EVI5L: variants seen among roughly 807,000 people sequenced by gnomAD.
The protein encoded by EVI5L is EVI5-like protein.
Under a neutral mutation model 106.1 loss-of-function variants are expected in EVI5L, and 30 were observed. The observed-to-expected ratio is 0.28, with a 90% confidence interval of 0.21 to 0.38. The LOEUF (loss-of-function observed/expected upper bound fraction) is 0.38, where lower values mean the gene tolerates loss of function less well. EVI5L is among the 10% of genes least tolerant of loss of function. EVI5L has a pLI of 1.00. For missense variants in EVI5L, 809 were observed against 1,098.0 expected, an observed-to-expected ratio of 0.74 and a Z score of 3.72; for synonymous variants, 489 against 483.3, an observed-to-expected ratio of 1.01 and a Z score of -0.15.
In EVI5L at chr19:7,857,894, T is replaced by G; in HGVS notation, c.1234-297T>G. The G allele has an allele frequency of 2.6e-6, 1 of 388,052 alleles. No homozygotes were observed. The highest frequency in any genetic ancestry group is 4.7e-6 in the Non-Finnish European group (1 of 210,596). 24.0% of individuals were successfully genotyped at this position (388,052 alleles called of 1,614,324 possible). Reference sequence around the variant, plus strand: ...CAGGTGGCCTCGCTGTGCCCCTGGATAAGGATCCCAACTGGGGCAGAGACT... The same window carrying G: ...CAGGTGGCCTCGCTGTGCCCCTGGAGAAGGATCCCAACTGGGGCAGAGACT... On this transcript the variant is annotated intron_variant, in intron 12 of 19. Transcript: ENST00000538904. The surrounding 1 kb of genome is among the most constrained non-coding windows in gnomAD (Gnocchi z 4.5).
At chr19:7,830,691 C>T (rs1978290482) in intron 1 of EVI5L, among the ~76,000 whole-genome samples, 2 of 148,210 alleles carry the variant, frequency 1.3e-5, no homozygotes, top group South Asian at 2.2e-4. Context: ...GGACTCCTCT[C>T]CGGGAACCCC....
Position 7,851,714 on chromosome 19 carries a change from C to G in EVI5L, c.931C>G (p.Leu311Val). Reference protein sequence around the residue: ...LEIVFRVGLALLQVNQAELMQ... With the variant: ...LEIVFRVGLAVLQVNQAELMQ... Reference sequence around the variant, plus strand: ...GATCGTGTTCCGAGTGGGCCTCGCCCTGCTGCAGGTGAACCAGGCAGAGCT... The same window carrying G: ...GATCGTGTTCCGAGTGGGCCTCGCCGTGCTGCAGGTGAACCAGGCAGAGCT... Residue 311 changes from leucine to valine, a missense_variant, in exon 8 of 20, where the codon CTG becomes GTG. Transcript: ENST00000538904. 1 of 1,557,356 alleles carries G rather than the reference C, an allele frequency of 6.4e-7. No individual in the cohort carries two copies. The highest frequency in any genetic ancestry group is 8.7e-7 in the Non-Finnish European group (1 of 1,155,666).
intron 6 of EVI5L, among the ~76,000 whole-genome samples, chr19:7,851,023 G>C (rs989208151): frequency 3.2e-5 from 2 of 63,058 alleles, no homozygotes; most frequent in African/African-American, 4.5e-5. Flanking sequence ...TAACAAGGTG[G>C]GGGGGGGGCT....
chr19:7,859,512 G>C (rs930503598), intron 13 of EVI5L, among the ~76,000 whole-genome samples: 32 of 152,368 alleles, frequency 2.1e-4, no homozygotes, highest in African/African-American at 7.5e-4. Flanking sequence ...CTGCTCCTGG[G>C]GAGAAGGAGA....
intron 1 of EVI5L, among the ~76,000 whole-genome samples, chr19:7,831,864 C>A (rs757296807): frequency 6.6e-6 from 1 of 152,370 alleles, no homozygotes; most frequent in East Asian, 1.9e-4. Context: ...CTTTCACCCA[C>A]AACTAGTGTG....
chr19:7,837,679 G>A (rs1320480342), intron 1 of EVI5L, among the ~76,000 whole-genome samples: 1 of 151,980 alleles, frequency 6.6e-6, no homozygotes, highest in Non-Finnish European at 1.5e-5. Context: ...TGACGTTTTT[G>A]TTTGTTTGGT....
At chr19:7,851,831 A>T in intron 8 of EVI5L, 61 bp downstream of exon 8, 1 of 1,423,410 alleles carries the variant, frequency 7.0e-7, no homozygotes, top group African/African-American at 1.4e-5. Flanking sequence ...GAGTCACAGG[A>T]TGCCCTCACA....
chr19:7,855,526 G>A (rs1979478361), intron 10 of EVI5L, among the ~76,000 whole-genome samples: 1 of 152,242 alleles, frequency 6.6e-6, no homozygotes, highest in African/African-American at 2.4e-5. Flanking sequence ...TCATGGGAAT[G>A]TAGTTGTCGA....
intron 1 of EVI5L, among the ~76,000 whole-genome samples, chr19:7,837,469 TATG>T (rs1414739319): frequency 1.3e-5 from 2 of 152,226 alleles, no homozygotes; most frequent in Admixed American, 6.5e-5. Flanking sequence ...CTTCCATTCA[TATG>T]ATACATTTGT....
At chr19:7,860,481 G>T (rs931454357) in intron 13 of EVI5L, 80 bp from the exon 14 acceptor site, 1 of 1,287,278 alleles carries the variant, frequency 7.8e-7, no homozygotes, top group Non-Finnish European at 1.1e-6. Flanking sequence ...CTGGGGAGGC[G>T]GGGAGAAGCC....
In EVI5L at chr19:7,835,711, A is replaced by G. The variant is rs1978328037; in HGVS notation, c.-48+5330A>G. ...GATCAGGCAGGGACCTCTGAATTCAAGCCGCTGTTCTTGTTATCCAAGGGG... is the reference window on the plus strand; with the variant it reads ...GATCAGGCAGGGACCTCTGAATTCAGGCCGCTGTTCTTGTTATCCAAGGGG... On this transcript the variant is annotated intron_variant, in intron 1 of 19. Transcript: ENST00000538904. This position sits in a 1 kb window ranked among gnomAD's most constrained non-coding sequence, Gnocchi z 4.1. Among the ~76,000 whole-genome samples, 1 of 152,168 alleles carries G rather than the reference A, an allele frequency of 6.6e-6. No homozygotes were observed. The highest frequency in any genetic ancestry group is 2.4e-5 in the African/African-American group (1 of 41,426).
At position 7,853,162 on chromosome 19, in the gene EVI5L, A is replaced by G; in HGVS notation, c.1064A>G (p.Tyr355Cys). The G allele has an allele frequency of 6.2e-7, 1 of 1,614,082 alleles. No individual in the cohort carries two copies. The highest frequency in any genetic ancestry group is 8.5e-7 in the Non-Finnish European group (1 of 1,180,038). ...GTCCTCAAAGCCTACCAGGTCAAGT[A>G]CAACCCCAAGAAGATGAAGAGGTCG... ...KLVLKAYQVK[Y>C]NPKKMKRLEK... is the part of the protein sequence containing the mutation. The change falls in exon 9 of 20, where the codon TAC becomes TGC. Residue 355 changes from tyrosine to cysteine, a missense_variant. Transcript: ENST00000538904.
Position 7,863,088 on chromosome 19 carries a change from CG to C in EVI5L, c.2043+27del. ...TCCAGGTGATCGGCGGGGCCGGGGTCGGGGGGCGGGGGCGGGGGCAGGGCCC... is the reference window on the plus strand; with the variant it reads ...TCCAGGTGATCGGCGGGGCCGGGGTCGGGGGCGGGGGCGGGGGCAGGGCCC... On this transcript the variant is annotated intron_variant, in intron 18 of 19. Coordinates refer to ENST00000538904, the MANE Select transcript of EVI5L (RefSeq NM_001159944.3). The surrounding 1 kb of genome is among the most constrained non-coding windows in gnomAD (Gnocchi z 7.7). 4.6e-6 allele frequency: 6 copies of C among 1,304,266 alleles called. No homozygotes were observed. Among genetic ancestry groups the C allele is most frequent in the Admixed American group, 5.9e-5 (2 of 34,160 alleles). 80.8% of individuals were successfully genotyped at this position (1,304,266 alleles called of 1,614,324 possible).
Position 7,848,815 on chromosome 19 carries a change from C to T in EVI5L, c.328-106C>T. ...GGATTGGGGACCATGAGTTCTGTGC[C>T]ATGCTTGAGGCCTGGATGAGCCACG... On this transcript the variant is annotated intron_variant, in intron 3 of 19. Transcript: ENST00000538904. This position sits in a 1 kb window ranked among gnomAD's most constrained non-coding sequence, Gnocchi z 4.8. The T allele has an allele frequency of 9.8e-7, 1 of 1,025,268 alleles. No homozygotes were observed. Among genetic ancestry groups the T allele is most frequent in the Non-Finnish European group, 1.4e-6 (1 of 697,694 alleles). The allele number at this position is 1,025,268 out of a possible 1,614,324, so 63.5% of individuals were successfully genotyped here.
chr19:7,835,218 G>A lies in EVI5L; in HGVS notation c.-48+4837G>A, dbSNP rs1218621732. ...CCCAAGGTTACAAAGATAGAAAGTG[G>A]TAGAGGAGGCCAGGAGCGGTGGCTC... On this transcript the variant is annotated intron_variant, in intron 1 of 19. Transcript: ENST00000538904. The surrounding 1 kb of genome is among the most constrained non-coding windows in gnomAD (Gnocchi z 4.1). 7.7e-6 allele frequency among the ~76,000 whole-genome samples: 1 copy of A among 130,182 alleles called. No homozygotes were observed. Among genetic ancestry groups the A allele is most frequent in the Admixed American group, 7.2e-5 (1 of 13,832 alleles). The allele number at this position is 130,182 out of a possible 152,430, so 85.4% of individuals were successfully genotyped here. A position where few individuals can be genotyped will look rare whatever the true frequency, so the allele number is the denominator to read the frequency against.
intron 17 of EVI5L, 80 bp from the exon 18 acceptor site, chr19:7,862,892 C>A (rs1029176204): frequency 2.0e-6 from 2 of 1,023,354 alleles, no homozygotes; most frequent in Non-Finnish European, 2.8e-6. Flanking sequence ...CCTCCTCATT[C>A]GCCCCTGCCC....
intron 17 of EVI5L, among the ~76,000 whole-genome samples, 154 bp from the exon 18 acceptor site, chr19:7,862,818 C>T (rs1568246364): frequency 1.5e-5 from 2 of 132,812 alleles, no homozygotes; most frequent in South Asian, 5.2e-4. Flanking sequence ...CCGCACCTCC[C>T]TTGCCCGCGG....
rs1204636996 is a variant in EVI5L, at chr19:7,863,324, G to C, written c.2139+44G>C. On this transcript the variant is annotated intron_variant, in intron 19 of 19. Coordinates refer to ENST00000538904, the MANE Select transcript of EVI5L (RefSeq NM_001159944.3). The surrounding 1 kb of genome is among the most constrained non-coding windows in gnomAD (Gnocchi z 7.7). ...GCCGGGGACAGGCCTGGGTGTCGTC[G>C]GCCTGGGACGAGCCGAGCGCAGGTG... is the stretch of plus-strand genomic sequence containing the variant. 1.9e-6 allele frequency: 3 copies of C among 1,547,990 alleles called. No individual in the cohort carries two copies. The highest frequency in any genetic ancestry group is 1.2e-5 in the South Asian group (1 of 83,954).
rs1408715575 is a variant in EVI5L, at chr19:7,863,737, C to T, written c.*35C>T. 7.0e-7 allele frequency: 1 copy of T among 1,431,164 alleles called. No homozygotes were observed. The highest frequency in any genetic ancestry group is 1.5e-5 in the South Asian group (1 of 67,510). The allele number at this position is 1,431,164 out of a possible 1,614,324, so 88.7% of individuals were successfully genotyped here. A position where few individuals can be genotyped will look rare whatever the true frequency, so the allele number is the denominator to read the frequency against. On this transcript the variant is annotated 3_prime_UTR_variant, in exon 20 of 20. Coordinates refer to ENST00000538904, the MANE Select transcript of EVI5L (RefSeq NM_001159944.3). This position sits in a 1 kb window ranked among gnomAD's most constrained non-coding sequence, Gnocchi z 7.7. ...CAGCGCGCCCGGAGTCAGGAGGCCG[C>T]AGCCGCGGGGGGCGCCCGGGCAGTC...
Sources: gnomAD v4.1 joint callset for allele counts (sites outside exome capture counted in the v4.1 genomes callset) on GRCh38, gnomAD v4.1.1 for gene constraint, Gnocchi (gnomAD v3.1) non-coding constraint, MANE v1.5 for transcripts, NCBI Gene and HGNC (gene_info 2026-07-23, HGNC 2026-07-21) for gene names.